CLYBL: variants seen among roughly 807,000 people sequenced by gnomAD.
The protein encoded by CLYBL is citramalyl-CoA lyase, mitochondrial.
In CLYBL, 31 loss-of-function variants were observed where a neutral mutation model predicts 38.9. That is an observed-to-expected ratio of 0.80 (90% CI 0.60 to 1.08). The LOEUF (loss-of-function observed/expected upper bound fraction) is 1.08, where lower values mean the gene tolerates loss of function less well. Ranked by LOEUF, CLYBL falls within the 50% of genes least tolerant of loss-of-function variation. The pLI, the probability that CLYBL is intolerant of heterozygous loss-of-function variation, is 0.00. For missense variants in CLYBL, 434 were observed against 411.6 expected, an observed-to-expected ratio of 1.05 and a Z score of -0.47; for synonymous variants, 171 against 158.6, an observed-to-expected ratio of 1.08 and a Z score of -0.59.
At chr13:99,809,638 A>C (rs1411960608) in intron 2 of CLYBL, among the ~76,000 whole-genome samples, 4 of 152,206 alleles carry the variant, frequency 2.6e-5, no homozygotes, top group Non-Finnish European at 5.9e-5. Flanking sequence ...CTTGGCTGTC[A>C]CGCTGTTAGC....
At chr13:99,627,759 A>C (rs2046890617) in intron 1 of CLYBL, among the ~76,000 whole-genome samples, 1 of 152,206 alleles carries the variant, frequency 6.6e-6, no homozygotes, top group Non-Finnish European at 1.5e-5. Context: ...TTGAAAAATT[A>C]GTTTGTATGG....
chr13:99,790,205 T>A (rs961544257), intron 2 of CLYBL, among the ~76,000 whole-genome samples: 2 of 152,178 alleles, frequency 1.3e-5, no homozygotes, highest in African/African-American at 4.8e-5. Flanking sequence ...ACATTTAAGG[T>A]TAATATTGTT....
chr13:99,865,333 G>T lies in CLYBL; in HGVS notation c.634+422G>T. The T allele has an allele frequency of 1.1e-5, 3 of 270,184 alleles. No homozygotes were observed. The highest frequency in any genetic ancestry group is 4.1e-5 in the South Asian group (1 of 24,196). 16.7% of individuals were successfully genotyped at this position (270,184 alleles called of 1,614,324 possible). On this transcript the variant is annotated intron_variant, in intron 5 of 8. Transcript: ENST00000339105. The surrounding 1 kb of genome is among the most constrained non-coding windows in gnomAD (Gnocchi z 4.7). ...AATTTCACATTTGCCTTAATGAATTGTTTTCTACAGAATATGCGGTAGGTA... is the reference window on the plus strand; with the variant it reads ...AATTTCACATTTGCCTTAATGAATTTTTTTCTACAGAATATGCGGTAGGTA...
intron 1 of CLYBL, among the ~76,000 whole-genome samples, chr13:99,625,903 A>G (rs2046862864): frequency 6.6e-6 from 1 of 152,214 alleles, no homozygotes; most frequent in African/African-American, 2.4e-5. Context: ...AGGTTCCAGA[A>G]GGTGCTTTGG....
At chr13:99,859,203 T>TGAGCAG in intron 3 of CLYBL, among the ~76,000 whole-genome samples, 154 bp downstream of exon 3, 1 of 152,334 alleles carries the variant, frequency 6.6e-6, no homozygotes, top group East Asian at 1.9e-4. Context: ...TCCGTTTCTT[T>TGAGCAG]TACACAAGGA....
intron 1 of CLYBL, among the ~76,000 whole-genome samples, chr13:99,622,973 C>T (rs1012907580): frequency 6.6e-6 from 1 of 152,154 alleles, no homozygotes; most frequent in Admixed American, 6.5e-5. Flanking sequence ...GCTAGGACTG[C>T]AGGCACCCAC....
intron 1 of CLYBL, among the ~76,000 whole-genome samples, chr13:99,627,659 A>G (rs1329447627): frequency 6.6e-6 from 1 of 152,214 alleles, no homozygotes; most frequent in African/African-American, 2.4e-5. Context: ...CTTGGCATTT[A>G]AAAGTTAATT....
intron 1 of CLYBL, among the ~76,000 whole-genome samples, chr13:99,631,307 G>A (rs944252830): frequency 9.9e-5 from 15 of 151,308 alleles, no homozygotes; most frequent in Non-Finnish European, 2.1e-4. Context: ...GGGTGGCAGA[G>A]CCAGACCCTG....
chr13:99,710,328 A>T (rs2048211240), intron 1 of CLYBL, among the ~76,000 whole-genome samples: 1 of 152,186 alleles, frequency 6.6e-6, no homozygotes, highest in Admixed American at 6.6e-5. Context: ...TGTCGCAAGG[A>T]TGCATTCTGG....
chr13:99,863,775 G>A (rs987918060), intron 4 of CLYBL, among the ~76,000 whole-genome samples: 3 of 152,002 alleles, frequency 2.0e-5, no homozygotes, highest in African/African-American at 4.8e-5. Context: ...CCTGACCTGC[G>A]AACATCAATC....
chr13:99,883,378 G>A (rs1566366439), intron 7 of CLYBL, among the ~76,000 whole-genome samples: 1 of 152,028 alleles, frequency 6.6e-6, no homozygotes, highest in Admixed American at 6.6e-5. Context: ...AATTAGCTGG[G>A]TGTGGTGGCG....
chr13:99,862,887 ATATTACTTCCTCAGGTC>A, intron 3 of CLYBL, 87 bp from the exon 4 acceptor site: 1 of 479,334 alleles, frequency 2.1e-6, no homozygotes. Context: ...AGAGGCTTGG[ATATTACTTCCTCAGGTC>A]AAAGACTTAA....
At chr13:99,725,810 T>A (rs1234352650) in intron 1 of CLYBL, among the ~76,000 whole-genome samples, 1 of 152,162 alleles carries the variant, frequency 6.6e-6, no homozygotes, top group East Asian at 1.9e-4. Context: ...TTTGCGTAAA[T>A]CCCCTTTCCT....
chr13:99,849,918 T>G lies in CLYBL; in HGVS notation c.250-8943T>G, dbSNP rs1280353326. On this transcript the variant is annotated intron_variant, in intron 2 of 8. Transcript: ENST00000339105. This position sits in a 1 kb window ranked among gnomAD's most constrained non-coding sequence, Gnocchi z 4.9. ...CTTTCCTGGGAATTTCATTGTATTT[T>G]GTTGAAAAATAAGGTGTGAAAATAC... Among the ~76,000 whole-genome samples the G allele has an allele frequency of 4.6e-5, 7 of 152,314 alleles. No homozygotes were observed. In the East Asian group the frequency reaches 1.2e-3, roughly 25 times the overall value.
chr13:99,887,231 T>C (rs2052372188), intron 7 of CLYBL, among the ~76,000 whole-genome samples: 1 of 140,250 alleles, frequency 7.1e-6, no homozygotes. Context: ...ATCTGCATTT[T>C]AACAAGTCCC....
chr13:99,718,656 A>G (rs951937719), intron 1 of CLYBL, among the ~76,000 whole-genome samples: 1 of 152,192 alleles, frequency 6.6e-6, no homozygotes. Context: ...GAGTTTATCA[A>G]TTACTTCTGT....
At chr13:99,787,363 A>T (rs1392048017) in intron 2 of CLYBL, among the ~76,000 whole-genome samples, 1 of 152,006 alleles carries the variant, frequency 6.6e-6, no homozygotes, top group Non-Finnish European at 1.5e-5. Context: ...ATCCATCTTG[A>T]ATTAATTTTT....
rs530653842 is a variant in CLYBL at position 99,682,682 on chromosome 13, A to G, written c.62+75925A>G. Among the ~76,000 whole-genome samples, 80 of 152,260 alleles carry G rather than the reference A, an allele frequency of 5.3e-4. 1 individual carries two copies. Among genetic ancestry groups the G allele is most frequent in the African/African-American group, 1.9e-3 (80 of 41,552 alleles). ...TATATACTTAGACTATACTACATTT[A>G]TTAAAAAAAACAAAAAACTTTTCTT... On this transcript the variant is annotated intron_variant, in intron 1 of 8. Coordinates refer to ENST00000339105, the MANE Select transcript of CLYBL (RefSeq NM_206808.5).
intron 1 of CLYBL, among the ~76,000 whole-genome samples, chr13:99,674,955 G>A (rs1349396430): frequency 6.6e-6 from 1 of 152,196 alleles, no homozygotes; most frequent in Non-Finnish European, 1.5e-5. Context: ...GATGGCATGA[G>A]CCCAGGAGTT....
Sources: allele counts gnomAD v4.1 joint callset (sites outside exome capture counted in the v4.1 genomes callset), GRCh38; gene constraint gnomAD v4.1.1; non-coding constraint Gnocchi (gnomAD v3.1); transcripts MANE v1.5; gene names NCBI Gene and HGNC (gene_info 2026-07-23, HGNC 2026-07-21).